The following ATRNL1 variants were observed in gnomAD, a reference collection of about 807,000 sequenced individuals.
The protein encoded by ATRNL1 is attractin-like protein 1.
Under a neutral mutation model 182.7 loss-of-function variants are expected in ATRNL1, and 95 were observed. The observed-to-expected ratio is 0.52, with a 90% CI of 0.44 to 0.62. The LOEUF (loss-of-function observed/expected upper bound fraction) is 0.62. ATRNL1 is among the 20% of genes least tolerant of loss of function. ATRNL1 has a pLI of 0.00. For synonymous variants in ATRNL1, 576 were observed against 568.3 expected, an observed-to-expected ratio of 1.01 and a Z score of -0.19; for missense variants, 1,471 against 1,679.5, an observed-to-expected ratio of 0.88 and a Z score of 2.17.
At chr10:115,374,404 A>G (rs371500564) in intron 19 of ATRNL1, among the ~76,000 whole-genome samples, 1 of 146,002 alleles carries the variant, frequency 6.8e-6, no homozygotes, top group Non-Finnish European at 1.5e-5. Flanking sequence ...CTCACTTTGG[A>G]CTCAACTTTC....
intron 26 of ATRNL1, among the ~76,000 whole-genome samples, chr10:115,601,318 A>G (rs903415607): frequency 1.2e-4 from 18 of 152,150 alleles, no homozygotes; most frequent in Non-Finnish European, 2.2e-4. Context: ...ATCTACATTC[A>G]TGCATGTCCT....
chr10:115,674,156 A>G (rs1555042246), intron 26 of ATRNL1, among the ~76,000 whole-genome samples: 1 of 152,052 alleles, frequency 6.6e-6, no homozygotes, highest in East Asian at 1.9e-4. Flanking sequence ...TATTCTATGC[A>G]CACACTCACA....
chr10:115,744,258 G>A (rs1019819727), intron 27 of ATRNL1, among the ~76,000 whole-genome samples: 1 of 152,022 alleles, frequency 6.6e-6, no homozygotes, highest in Non-Finnish European at 1.5e-5. Context: ...TTTATTAAAA[G>A]TACATTAAAT....
intron 19 of ATRNL1, among the ~76,000 whole-genome samples, chr10:115,389,043 C>G (rs782593976): frequency 6.6e-6 from 1 of 152,034 alleles, no homozygotes; most frequent in East Asian, 1.9e-4. Flanking sequence ...TTTGATCAAC[C>G]TTTCTTCTTT....
In ATRNL1 at chr10:115,093,560, T is replaced by C. The variant is rs1189493843; in HGVS notation, c.-191T>C. On this transcript the variant is annotated 5_prime_UTR_variant, in exon 1 of 29. Coordinates refer to ENST00000355044, the MANE Select transcript of ATRNL1 (RefSeq NM_207303.4). This position sits in a 1 kb window ranked among gnomAD's most constrained non-coding sequence, Gnocchi z 6.1. Reference sequence around the variant, plus strand: ...CTGGGTGGCGATGCCCGAGTGCGACTGGAGGCAGCCGAGCGGAGGCGACGG... The same window carrying C: ...CTGGGTGGCGATGCCCGAGTGCGACCGGAGGCAGCCGAGCGGAGGCGACGG... 7.1e-6 allele frequency: 5 copies of C among 708,740 alleles called. No homozygotes were observed. The African/African-American group carries it at 7.2e-5, about 10-fold the overall frequency. 43.9% of individuals were successfully genotyped at this position (708,740 alleles called of 1,614,324 possible).
intron 26 of ATRNL1, among the ~76,000 whole-genome samples, chr10:115,635,854 T>C (rs2133842945): frequency 6.6e-6 from 1 of 152,236 alleles, no homozygotes; most frequent in Non-Finnish European, 1.5e-5. Flanking sequence ...ACAAGGTAGA[T>C]GGATTTCAAA....
intron 9 of ATRNL1, among the ~76,000 whole-genome samples, chr10:115,235,894 G>A (rs1211686980): frequency 1.3e-5 from 2 of 152,060 alleles, no homozygotes; most frequent in East Asian, 3.9e-4. Context: ...ACTAGAAAGA[G>A]TTATTAGTAT....
intron 19 of ATRNL1, among the ~76,000 whole-genome samples, chr10:115,340,476 C>CTTTTTTTTTTT (rs1430940795): frequency 9.5e-5 from 9 of 95,104 alleles, no homozygotes; most frequent in South Asian, 3.8e-4. Context: ...CTTTTCTTTT[C>CTTTTTTTTTTT]TTTTTTTTTT....
chr10:115,243,563 T>C (rs983539799), intron 10 of ATRNL1, among the ~76,000 whole-genome samples: 1 of 152,074 alleles, frequency 6.6e-6, no homozygotes, highest in Non-Finnish European at 1.5e-5. Context: ...ATCTAACTTT[T>C]GTAACTCCTA....
chr10:115,350,362 A>AAAAAAAAAAAT (rs1554940913), intron 19 of ATRNL1, among the ~76,000 whole-genome samples: 1 of 149,632 alleles, frequency 6.7e-6, no homozygotes, highest in African/African-American at 2.4e-5. Flanking sequence ...AAAAAAAAAA[A>AAAAAAAAAAAT]AAGAATTTCC....
At chr10:115,619,226 A>C (rs2804236) in intron 26 of ATRNL1, among the ~76,000 whole-genome samples, 150,985 of 152,212 alleles carry the variant, frequency 0.99, 74,897 homozygotes, top group Middle Eastern at 1. Context: ...CATGGTTGCC[A>C]CTCTACTGAA....
rs144008435 is a variant in ATRNL1, at chr10:115,757,505, G to A, written c.3903+30150G>A. Among the ~76,000 whole-genome samples the A allele has an allele frequency of 7.4e-3, 1,132 of 152,304 alleles. 16 individuals carry two copies. The highest frequency in any genetic ancestry group is 0.026 in the African/African-American group (1,080 of 41,566). ...ATTGTCCCCTACTCTCTTCTGGCTTGTAGGGTTTCTGTCAAGAAATCCACT... is the reference window on the plus strand; with the variant it reads ...ATTGTCCCCTACTCTCTTCTGGCTTATAGGGTTTCTGTCAAGAAATCCACT... On this transcript the variant is annotated intron_variant, in intron 27 of 28. Coordinates refer to ENST00000355044, the MANE Select transcript of ATRNL1 (RefSeq NM_207303.4).
chr10:115,908,728 CTG>C (rs1318820168), intron 28 of ATRNL1, among the ~76,000 whole-genome samples: 2 of 152,312 alleles, frequency 1.3e-5, no homozygotes, highest in East Asian at 3.9e-4. Context: ...CCAGCACACA[CTG>C]TTAGTTATTC....
intron 26 of ATRNL1, among the ~76,000 whole-genome samples, chr10:115,594,529 C>G (rs1440019776): frequency 6.6e-6 from 1 of 152,156 alleles, no homozygotes; most frequent in African/African-American, 2.4e-5. Context: ...TGTTTTGAGA[C>G]TGTGTCTCAC....
chr10:115,621,276 T>TAGAGAGAGAG lies in ATRNL1; in HGVS notation c.3795+71769_3795+71778dup, dbSNP rs1157745862. Among the ~76,000 whole-genome samples, 215 of 47,528 alleles carry TAGAGAGAGAG rather than the reference T, an allele frequency of 4.5e-3. 2 individuals are homozygous for TAGAGAGAGAG. Among genetic ancestry groups the TAGAGAGAGAG allele is most frequent in the South Asian group, 0.02 (19 of 962 alleles). The allele number at this position is 47,528 out of a possible 152,430, so 31.2% of individuals were successfully genotyped here. On this transcript the variant is annotated intron_variant, in intron 26 of 28. Coordinates refer to ENST00000355044, the MANE Select transcript of ATRNL1 (RefSeq NM_207303.4). ...CTGAATATATATATATATATATATATAGAGAGAGAGAGAGAGAGAGAGAGA... is the reference window on the plus strand; with the variant it reads ...CTGAATATATATATATATATATATATAGAGAGAGAGAGAGAGAGAGAGAGAGAGAGAGAGA...
chr10:115,634,124 G>A (rs1007097699), intron 26 of ATRNL1, among the ~76,000 whole-genome samples: 20 of 151,956 alleles, frequency 1.3e-4, no homozygotes, highest in Non-Finnish European at 1.8e-4. Context: ...TAAAATTAGC[G>A]TCTGTGGAAA....
At chr10:115,363,459 T>G (rs1592525875) in intron 19 of ATRNL1, among the ~76,000 whole-genome samples, 1 of 146,494 alleles carries the variant, frequency 6.8e-6, no homozygotes, top group Non-Finnish European at 1.5e-5. Context: ...TTTCTCCCAT[T>G]TTGTAGGTTG....
chr10:115,229,348 C>A (rs182609507), intron 9 of ATRNL1, among the ~76,000 whole-genome samples: 24 of 151,704 alleles, frequency 1.6e-4, no homozygotes, highest in African/African-American at 5.8e-4. Flanking sequence ...TTTTGGAAAG[C>A]GATAGAGGTT....
intron 21 of ATRNL1, among the ~76,000 whole-genome samples, chr10:115,428,332 T>C (rs1845998014): frequency 6.6e-6 from 1 of 152,120 alleles, no homozygotes; most frequent in Admixed American, 6.5e-5. Flanking sequence ...ATACAATGTT[T>C]CCTGCAAATA....
Sources: allele counts gnomAD v4.1 joint callset (sites outside exome capture counted in the v4.1 genomes callset), GRCh38; gene constraint gnomAD v4.1.1; non-coding constraint Gnocchi (gnomAD v3.1); transcripts MANE v1.5; gene names NCBI Gene and HGNC (gene_info 2026-07-23, HGNC 2026-07-21).